Variants in GMNC observed in about 807,000 individuals in gnomAD.
GMNC encodes geminin coiled-coil domain-containing protein 1.
Under a neutral mutation model 33.6 loss-of-function variants are expected in GMNC, and 16 were observed. That is an observed-to-expected ratio of 0.48 (90% CI 0.32 to 0.72). The LOEUF is 0.72. GMNC is among the 30% of genes least tolerant of loss of function. The pLI, the probability that GMNC is intolerant of heterozygous loss-of-function variation, is 0.03. For synonymous variants in GMNC, 156 were observed against 147.3 expected (o/e 1.06, Z -0.43); for missense variants, 393 against 388.9 (o/e 1.01, Z -0.09).
At chr3:190,856,307 ATATT>A (rs556059609) in intron 4 of GMNC, among the ~76,000 whole-genome samples, 8,551 of 135,710 alleles carry the variant, frequency 0.063, 773 homozygotes, top group African/African-American at 0.16. Flanking sequence ...AATAATACTT[ATATT>A]TATTTATAAA....
rs561562127 is a variant in GMNC, at chr3:190,861,710, G to A, written c.4-852C>T. The stretch of plus-strand genomic sequence containing the variant: ...TGGCATGTATTCTCCACTGTGTTCT[G>A]ATCCAGTGAACACTCTCCTGCCTTC... On this transcript the variant is annotated intron_variant, in intron 1 of 4. Transcript: ENST00000442080. This position sits in a 1 kb window ranked among gnomAD's most constrained non-coding sequence, Gnocchi z 5.1. Among the ~76,000 whole-genome samples the A allele has an allele frequency of 6.6e-6, 1 of 152,266 alleles. No homozygotes were observed. The highest frequency in any genetic ancestry group is 2.4e-5 in the African/African-American group (1 of 41,554).
chr3:190,844,056 A>G, the GMNC span, among the ~76,000 whole-genome samples: 1 of 152,178 alleles, frequency 6.6e-6, no homozygotes, highest in African/African-American at 2.4e-5. Flanking sequence ...TCCATTTAGA[A>G]ATAAAACGTC....
chr3:190,862,374 G>GAGAGA lies in GMNC; in HGVS notation c.3+238_3+239insTCTCT, dbSNP rs1560039149. 2.0e-5 allele frequency among the ~76,000 whole-genome samples: 3 copies of GAGAGA among 150,264 alleles called. 1 individual carries two copies. Among genetic ancestry groups the GAGAGA allele is most frequent in the African/African-American group, 7.4e-5 (3 of 40,524 alleles). ...TAGTAATAACAGAAAGAGAGAGAGAGGGCGAGAGAGAGAAAGGAGAGAAAG... is the reference window on the plus strand; with the variant it reads ...TAGTAATAACAGAAAGAGAGAGAGAGAGAGAGGCGAGAGAGAGAAAGGAGAGAAAG... On this transcript the variant is annotated intron_variant, in intron 1 of 4. Coordinates refer to ENST00000442080, the MANE Select transcript of GMNC (RefSeq NM_001146686.3). The surrounding 1 kb of genome is among the most constrained non-coding windows in gnomAD (Gnocchi z 4.5).
At chr3:190,860,000 TTG>T (rs1354711356) in intron 2 of GMNC, among the ~76,000 whole-genome samples, 1 of 152,248 alleles carries the variant, frequency 6.6e-6, no homozygotes, top group Non-Finnish European at 1.5e-5. Context: ...GTTCCTTTGT[TTG>T]TGTCTTTTTA....
chr3:190,850,430 GC>G (rs1379027997), downstream of GMNC, among the ~76,000 whole-genome samples: 1 of 152,188 alleles, frequency 6.6e-6, no homozygotes, highest in African/African-American at 2.4e-5. Context: ...GATGAAGCCT[GC>G]CGTTTCCCGA....
Position 190,855,434 on chromosome 3 carries a change from T to C in GMNC, c.866A>G (p.Asn289Ser), listed in dbSNP as rs963181247. Residue 289 changes from asparagine to serine, a missense_variant, in exon 5 of 5, where the codon AAC (asparagine) becomes AGC (serine). Physicochemically the swap from Asn to Ser is conservative, Grantham distance 46. Transcript: ENST00000442080. Reference sequence around the variant, plus strand: ...TGTGGAAAATGCCATCTCTGTCTTGTTGGGTGACACATGAGCAGTATAGTA... The same window carrying C: ...TGTGGAAAATGCCATCTCTGTCTTGCTGGGTGACACATGAGCAGTATAGTA... ...LPYYTAHVSP[N>S]KTEMAFSTSL... 41 of 1,551,864 alleles carry C rather than the reference T, an allele frequency of 2.6e-5. No homozygotes were observed. The highest frequency in any genetic ancestry group is 3.4e-5 in the Non-Finnish European group (39 of 1,147,016).
chr3:190,860,632 G>T, intron 2 of GMNC, 52 bp downstream of exon 2: 2 of 1,465,516 alleles, frequency 1.4e-6, no homozygotes, highest in Non-Finnish European at 1.8e-6. Flanking sequence ...CGCAGCCACG[G>T]GTATGGAAAA....
chr3:190,857,174 T>C (rs1353918301), intron 4 of GMNC, among the ~76,000 whole-genome samples: 3 of 150,250 alleles, frequency 2.0e-5, no homozygotes, highest in Non-Finnish European at 3.0e-5. Flanking sequence ...AAAAGAAGAC[T>C]ACTGGCAAGT....
At chr3:190,856,215 C>T (rs987091116) in intron 4 of GMNC, among the ~76,000 whole-genome samples, 3 of 132,896 alleles carry the variant, frequency 2.3e-5, no homozygotes, top group African/African-American at 5.9e-5. Flanking sequence ...TGTAAATAAA[C>T]TATCATTTAT....
intron 4 of GMNC, among the ~76,000 whole-genome samples, chr3:190,856,863 G>GATATATTATA (rs1273195630): frequency 4.0e-5 from 6 of 151,748 alleles, no homozygotes; most frequent in African/African-American, 1.5e-4. Flanking sequence ...TATAATAAGT[G>GATATATTATA]TCCTTTTATG....
rs1273297853 is a variant in GMNC, at chr3:190,853,075, TTAAG to T, written c.*2216_*2219del. 6.6e-6 allele frequency: 1 copy of T among 152,138 alleles called. No homozygotes were observed. Among genetic ancestry groups the T allele is most frequent in the Non-Finnish European group, 1.5e-5 (1 of 67,996 alleles). The allele number at this position is 152,138 out of a possible 1,614,324, so 9.4% of individuals were successfully genotyped here. ...GTAATATCTTTAAACTGGGCCAAAA[TTAAG>T]TTTCATTTAAAAGCTATCAAAAGCT... On this transcript the variant is annotated 3_prime_UTR_variant, in exon 5 of 5. Transcript: ENST00000442080.
intron 3 of GMNC, 47 bp downstream of exon 3, chr3:190,858,881 G>A (rs1242313255): frequency 9.0e-7 from 1 of 1,116,238 alleles, no homozygotes; most frequent in South Asian, 1.4e-5. Flanking sequence ...AGTGGGGAAT[G>A]GACCACATAG....
chr3:190,852,647 C>T (rs980999229), downstream of GMNC, among the ~76,000 whole-genome samples: 13 of 152,170 alleles, frequency 8.5e-5, no homozygotes, highest in Middle Eastern at 3.4e-3. Flanking sequence ...AACCATCAAG[C>T]CCTAAATGCT....
chr3:190,855,547 G>A lies in GMNC; in HGVS notation c.753C>T (p.Thr251=), dbSNP rs1737713659. The change falls in exon 5 of 5, where the codon ACC becomes ACT. Residue 251 remains threonine (T), a synonymous_variant. Coordinates refer to ENST00000442080, the MANE Select transcript of GMNC (RefSeq NM_001146686.3). ...MPIDYRGDRT[T]PLHSTATHGE... is the part of the protein sequence containing the mutation. ...CATGAGTGGCAGTGCTGTGCAAGGG[G>A]GTTGTTCTGTCACCTCTATAGTCAA... is the stretch of plus-strand genomic sequence containing the variant. The A allele has an allele frequency of 1.3e-6, 2 of 1,551,586 alleles. No homozygotes were observed. The highest frequency in any genetic ancestry group is 2.7e-5 in the African/African-American group (2 of 73,122).
In GMNC at chr3:190,859,011, A is replaced by G; in HGVS notation, c.184T>C (p.Phe62Leu). The change falls in exon 3 of 5, where the codon TTC (phenylalanine) becomes CTC (leucine). Residue 62 changes from phenylalanine (F) to leucine (L), a missense_variant. Coordinates refer to ENST00000442080, the MANE Select transcript of GMNC (RefSeq NM_001146686.3). The part of the protein sequence containing the change: ...LQQAPQAQES[F>L]SDSNFPLPDL... The stretch of plus-strand genomic sequence containing the variant: ...GGAAGAGGAAAATTTGAGTCACTGA[A>G]TGATTCTGTGAAAATACAAATAGAT... 6.5e-7 allele frequency: 1 copy of G among 1,539,322 alleles called. No homozygotes were observed. Among genetic ancestry groups the G allele is most frequent in the East Asian group, 2.4e-5 (1 of 40,836 alleles).
chr3:190,856,018 G>A, intron 4 of GMNC, 103 bp from the exon 5 acceptor site: 1 of 833,418 alleles, frequency 1.2e-6, no homozygotes. Flanking sequence ...CAAGTAAGAT[G>A]GATTGGATTA....
At chr3:190,860,574 A>T in intron 2 of GMNC, 110 bp downstream of exon 2, 1 of 938,246 alleles carries the variant, frequency 1.1e-6, no homozygotes, top group Non-Finnish European at 1.6e-6. Context: ...GGGTTTACTT[A>T]AATTTTCCAT....
At position 190,855,773 on chromosome 3, in the gene GMNC, T is replaced by A. The variant is rs377294045; in HGVS notation, c.527A>T (p.Asn176Ile). 5 of 1,551,396 alleles carry A rather than the reference T, an allele frequency of 3.2e-6. No homozygotes were observed. The African/African-American group carries it at 6.8e-5, about 21-fold the overall frequency. ...AKRNLSSEFANCEEQAGPPVD... is the reference protein window; with the variant it reads ...AKRNLSSEFAICEEQAGPPVD... ...AGGGGGCCCAGCTTGTTCTTCACAG[T>A]TAGCAAATTCACTAGAGAGGTTTCT... Residue 176 changes from asparagine to isoleucine, a missense_variant, in exon 5 of 5, where the codon AAC (asparagine) becomes ATC (isoleucine). By Grantham distance (149) the Asn-to-Ile change is moderately radical (BLOSUM62 -3). Coordinates refer to ENST00000442080, the MANE Select transcript of GMNC (RefSeq NM_001146686.3).
the GMNC span, among the ~76,000 whole-genome samples, chr3:190,844,879 G>A: frequency 3.3e-5 from 5 of 152,038 alleles, no homozygotes; most frequent in Non-Finnish European, 7.4e-5. Flanking sequence ...AGAAAAGGAG[G>A]GATTGATAAA....
Sources: allele counts gnomAD v4.1 joint callset (sites outside exome capture counted in the v4.1 genomes callset), GRCh38; gene constraint gnomAD v4.1.1; non-coding constraint Gnocchi (gnomAD v3.1); transcripts MANE v1.5; gene names NCBI Gene and HGNC (gene_info 2026-07-23, HGNC 2026-07-21).